Variants in CELF2 observed in about 807,000 individuals in gnomAD.
CELF2 encodes the protein CUGBP Elav-like family member 2, also known as CUG triplet repeat RNA-binding protein 2.
CELF2 carries 8 observed loss-of-function variants against 62.6 expected under a neutral mutation model. That is an observed-to-expected ratio of 0.13 (90% CI 0.07 to 0.23). CELF2 has a LOEUF of 0.23. CELF2 is among the 10% of genes least tolerant of loss of function. The pLI is 1.00. For missense variants in CELF2, 333 were observed against 671.0 expected, an observed-to-expected ratio of 0.50 and a Z score of 5.56; for synonymous variants, 258 against 250.0, an observed-to-expected ratio of 1.03 and a Z score of -0.30.
the CELF2 span, among the ~76,000 whole-genome samples, chr10:10,750,358 G>A: frequency 1.2e-3 from 178 of 152,126 alleles, no homozygotes; most frequent in African/African-American, 4.0e-3. Flanking sequence ...ATTTTTTATA[G>A]TTAGTGTAGT....
At chr10:10,902,764 C>T (rs946508351) in intron 1 of CELF2, among the ~76,000 whole-genome samples, 2 of 149,996 alleles carry the variant, frequency 1.3e-5, no homozygotes, top group Admixed American at 1.3e-4. Flanking sequence ...TAGTAAAGCT[C>T]AGGAAAGGAG....
chr10:10,906,343 C>T (rs541041613), intron 1 of CELF2, among the ~76,000 whole-genome samples: 43 of 152,282 alleles, frequency 2.8e-4, no homozygotes, highest in African/African-American at 9.6e-4. Flanking sequence ...TTTGCTGATG[C>T]GGTGTGTTCA....
At chr10:11,219,571 G>C (rs974679748) in intron 3 of CELF2, among the ~76,000 whole-genome samples, 2 of 152,176 alleles carry the variant, frequency 1.3e-5, no homozygotes, top group African/African-American at 4.8e-5. Flanking sequence ...TTGTAAGGCT[G>C]ATAGCCTTTC....
At chr10:11,158,873 A>G (rs904688890) in intron 1 of CELF2, among the ~76,000 whole-genome samples, 1 of 149,482 alleles carries the variant, frequency 6.7e-6, no homozygotes, top group African/African-American at 2.4e-5. Flanking sequence ...GTTGTTTGTG[A>G]ATAACAATGA....
At chr10:11,003,060 T>C (rs529182537), upstream of CELF2, among the ~76,000 whole-genome samples, 9 of 152,348 alleles carry the variant, frequency 5.9e-5, no homozygotes, top group South Asian at 1.9e-3. The surrounding 1 kb of genome is among the most constrained non-coding windows in gnomAD (Gnocchi z 4.4). Context: ...CTACATCCTT[T>C]CTTCCTATTT....
chr10:10,568,293 G>A, the CELF2 span, among the ~76,000 whole-genome samples: 3 of 151,888 alleles, frequency 2.0e-5, no homozygotes, highest in Non-Finnish European at 4.4e-5. Flanking sequence ...AGAGAGGAAG[G>A]GGAGGATGAG....
chr10:10,490,693 A>G, the CELF2 span, among the ~76,000 whole-genome samples: 1 of 152,160 alleles, frequency 6.6e-6, no homozygotes, highest in African/African-American at 2.4e-5. Flanking sequence ...TAGGGATATG[A>G]GGATAGGTTA....
At chr10:10,598,741 C>CTTTT in the CELF2 span, among the ~76,000 whole-genome samples, 1 of 85,872 alleles carries the variant, frequency 1.2e-5, no homozygotes, top group South Asian at 4.2e-4. Context: ...TTTTCTTTTT[C>CTTTT]TTTTTCTTTC....
At chr10:10,620,307 G>A in the CELF2 span, among the ~76,000 whole-genome samples, 1 of 151,886 alleles carries the variant, frequency 6.6e-6, no homozygotes, top group Middle Eastern at 3.2e-3. Context: ...CTGAGGTAGA[G>A]GGATGGCCAC....
In CELF2 at chr10:11,331,437, TG is replaced by T. The variant is rs1216541615; in HGVS notation, c.*2385del. The T allele has an allele frequency of 8.1e-6, 1 of 123,634 alleles. No homozygotes were observed. The highest frequency in any genetic ancestry group is 1.7e-5 in the Non-Finnish European group (1 of 59,464). 7.7% of individuals were successfully genotyped at this position (123,634 alleles called of 1,614,324 possible). On this transcript the variant is annotated 3_prime_UTR_variant, in exon 13 of 13. Coordinates refer to ENST00000633077, the MANE Select transcript of CELF2 (RefSeq NM_001326342.2). ...TAATTGTGGACTATTTAGATGTGTT[TG>T]TGTTCAGCAAAATGTGATGTTTTTT...
At chr10:10,780,911 G>T in the CELF2 span, among the ~76,000 whole-genome samples, 1 of 152,238 alleles carries the variant, frequency 6.6e-6, no homozygotes, top group East Asian at 1.9e-4. Context: ...TGAGTATTAA[G>T]TTGGGGTTAC....
chr10:10,562,913 G>A, the CELF2 span, among the ~76,000 whole-genome samples: 2 of 147,812 alleles, frequency 1.4e-5, no homozygotes. Flanking sequence ...GAAACTTCAG[G>A]AAGTCTAAGG....
At chr10:10,822,619 C>T (rs1298496990) in intron 1 of CELF2, among the ~76,000 whole-genome samples, 3 of 152,124 alleles carry the variant, frequency 2.0e-5, no homozygotes, top group African/African-American at 7.2e-5. Flanking sequence ...TCTTTTTAAG[C>T]GATTAACTAC....
intron 7 of CELF2, among the ~76,000 whole-genome samples, chr10:11,271,362 T>C (rs1190182456): frequency 6.6e-6 from 1 of 152,260 alleles, no homozygotes; most frequent in Non-Finnish European, 1.5e-5. Flanking sequence ...GAACTTGAGC[T>C]TTCTGGTTGT....
chr10:10,859,201 T>C (rs184918538), intron 1 of CELF2, among the ~76,000 whole-genome samples: 43 of 152,262 alleles, frequency 2.8e-4, no homozygotes, highest in African/African-American at 9.9e-4. Context: ...CATTAAACAA[T>C]AAAAAACAAA....
intron 1 of CELF2, among the ~76,000 whole-genome samples, chr10:11,036,113 A>G (rs1373429025): frequency 6.6e-6 from 1 of 152,250 alleles, no homozygotes. Flanking sequence ...GTACTTAAGC[A>G]TCAGCCAGGA....
chr10:10,569,016 G>C, the CELF2 span, among the ~76,000 whole-genome samples: 1 of 152,162 alleles, frequency 6.6e-6, no homozygotes, highest in Non-Finnish European at 1.5e-5. Context: ...AAAAAGGCTA[G>C]ATTGATCTTA....
the CELF2 span, among the ~76,000 whole-genome samples, chr10:10,781,914 T>C: frequency 2.6e-5 from 4 of 152,014 alleles, no homozygotes; most frequent in African/African-American, 9.7e-5. Context: ...ATGATTAAAA[T>C]AAAAGGTAAT....
At chr10:10,544,338 G>A in the CELF2 span, among the ~76,000 whole-genome samples, 6 of 152,194 alleles carry the variant, frequency 3.9e-5, no homozygotes, top group African/African-American at 1.4e-4. Flanking sequence ...CTAGATTGGA[G>A]GAATATTTTG....
Sources: allele counts gnomAD v4.1 joint callset (sites outside exome capture counted in the v4.1 genomes callset), GRCh38; gene constraint gnomAD v4.1.1; non-coding constraint Gnocchi (gnomAD v3.1); transcripts MANE v1.5; gene names NCBI Gene and HGNC (gene_info 2026-07-23, HGNC 2026-07-21).